KCNB2: variants seen among roughly 807,000 people sequenced by gnomAD.
KCNB2 encodes the protein delayed rectifier potassium channel protein.
A neutral mutation model predicts 61.5 loss-of-function variants in KCNB2; 15 were observed. The observed-to-expected ratio is 0.24, with a 90% CI of 0.16 to 0.38. KCNB2 has a LOEUF of 0.38. KCNB2 is among the 10% of genes least tolerant of loss of function. The probability of loss-of-function intolerance (pLI) is 1.00; values close to 1 mark genes in which losing one functional copy is unlikely to be tolerated. For missense variants in KCNB2, 828 were observed against 1,125.2 expected (o/e 0.74, Z 3.78); for synonymous variants, 457 against 446.0 (o/e 1.02, Z -0.31).
chr8:72,711,246 A>G (rs887115767), intron 2 of KCNB2, among the ~76,000 whole-genome samples: 1 of 152,234 alleles, frequency 6.6e-6, no homozygotes, highest in Admixed American at 6.5e-5. Flanking sequence ...GCATCTGCAT[A>G]GCCCAACACA....
At chr8:72,860,372 T>C (rs1474172566) in intron 2 of KCNB2, among the ~76,000 whole-genome samples, 1 of 152,240 alleles carries the variant, frequency 6.6e-6, no homozygotes, top group Non-Finnish European at 1.5e-5. Flanking sequence ...CTTGTCATCC[T>C]AGTAGATGTG....
At chr8:72,828,880 G>A (rs544475677) in intron 2 of KCNB2, among the ~76,000 whole-genome samples, 16 of 151,918 alleles carry the variant, frequency 1.1e-4, no homozygotes, top group African/African-American at 3.1e-4. Context: ...TGCAAATACC[G>A]CCTTGTATTT....
At chr8:72,561,793 A>ATATG (rs1806540629) in intron 1 of KCNB2, among the ~76,000 whole-genome samples, 1 of 88,982 alleles carries the variant, frequency 1.1e-5, no homozygotes, top group Non-Finnish European at 2.1e-5. Flanking sequence ...ATATATACAT[A>ATATG]TATATATATA....
chr8:72,920,241 A>G, intron 2 of KCNB2, among the ~76,000 whole-genome samples: 1 of 151,732 alleles, frequency 6.6e-6, no homozygotes, highest in East Asian at 1.9e-4. Flanking sequence ...AAAAAAACCC[A>G]CATATTTAGA....
intron 2 of KCNB2, among the ~76,000 whole-genome samples, chr8:72,851,880 C>T (rs1445998939): frequency 3.1e-5 from 4 of 127,408 alleles, no homozygotes; most frequent in Non-Finnish European, 6.4e-5. Context: ...ATTTTCCCTA[C>T]TGTCATTACA....
chr8:72,936,754 G>T lies in KCNB2; in HGVS notation c.1399G>T (p.Val467Leu). Residue 467 changes from valine (V) to leucine (L), a missense_variant, in exon 3 of 3, where the codon GTG (valine) becomes TTG (leucine). By Grantham distance (32) the Val-to-Leu change is conservative (BLOSUM62 1). Coordinates refer to ENST00000523207, the MANE Select transcript of KCNB2 (RefSeq NM_004770.3). This position sits in a 1 kb window ranked among gnomAD's most constrained non-coding sequence, Gnocchi z 5.6. ...CGCTCGAAGTATGGAACTGATAGAT[G>T]TGGCTGTTGAGAAGGCCGGAGAGTC... The part of the protein sequence containing the change: ...AFARSMELID[V>L]AVEKAGESAN... 6.2e-7 allele frequency: 1 copy of T among 1,614,192 alleles called. No homozygotes were observed. The highest frequency in any genetic ancestry group is 8.5e-7 in the Non-Finnish European group (1 of 1,180,028).
intron 1 of KCNB2, among the ~76,000 whole-genome samples, chr8:72,561,182 G>C (rs1207347597): frequency 6.7e-6 from 1 of 149,866 alleles, no homozygotes; most frequent in African/African-American, 2.5e-5. Context: ...TTTTGACACA[G>C]AGTCTTGCTC....
At chr8:72,598,934 A>C (rs1019917992) in intron 2 of KCNB2, among the ~76,000 whole-genome samples, 1 of 152,216 alleles carries the variant, frequency 6.6e-6, no homozygotes, top group Non-Finnish European at 1.5e-5. Context: ...ACCACAACTC[A>C]ATGAAATAAA....
At chr8:72,701,550 T>A (rs75363275) in intron 2 of KCNB2, among the ~76,000 whole-genome samples, 25 of 141,322 alleles carry the variant, frequency 1.8e-4, no homozygotes, top group Non-Finnish European at 2.0e-4. Context: ...TAGATTTTTT[T>A]AAAAACTTTC....
chr8:72,800,276 A>G (rs2128999465), intron 2 of KCNB2, among the ~76,000 whole-genome samples: 1 of 152,284 alleles, frequency 6.6e-6, no homozygotes, highest in Non-Finnish European at 1.5e-5. Flanking sequence ...ATGTCATTGA[A>G]TATAACTATC....
intron 2 of KCNB2, among the ~76,000 whole-genome samples, chr8:72,933,842 A>G (rs183739820): frequency 3.6e-4 from 55 of 152,282 alleles, no homozygotes; most frequent in African/African-American, 1.3e-3. Context: ...GAGGACCTTT[A>G]TTTTTCTATT....
intron 2 of KCNB2, among the ~76,000 whole-genome samples, chr8:72,672,944 T>G (rs1450806721): frequency 6.6e-6 from 1 of 152,124 alleles, no homozygotes; most frequent in Non-Finnish European, 1.5e-5. Flanking sequence ...GCCTTGCTGG[T>G]GAGAAAGTAA....
At chr8:72,611,980 TGTTA>T (rs1317576631) in intron 2 of KCNB2, among the ~76,000 whole-genome samples, 1 of 152,132 alleles carries the variant, frequency 6.6e-6, no homozygotes, top group Admixed American at 6.6e-5. Context: ...AAACGCAAAC[TGTTA>T]TTTAAAATAG....
At chr8:72,636,431 C>A (rs1459518823) in intron 2 of KCNB2, among the ~76,000 whole-genome samples, 1 of 152,138 alleles carries the variant, frequency 6.6e-6, no homozygotes, top group Non-Finnish European at 1.5e-5. Context: ...GGAAAGGATA[C>A]AATTTTCCTC....
At chr8:72,828,556 C>G (rs1809638061) in intron 2 of KCNB2, among the ~76,000 whole-genome samples, 1 of 152,012 alleles carries the variant, frequency 6.6e-6, no homozygotes, top group African/African-American at 2.4e-5. Context: ...ATTTGAAAAC[C>G]CTGGACATGT....
intron 2 of KCNB2, among the ~76,000 whole-genome samples, chr8:72,853,507 T>G (rs1810155622): frequency 6.6e-6 from 1 of 152,202 alleles, no homozygotes; most frequent in African/African-American, 2.4e-5. Flanking sequence ...AGAATCCCTG[T>G]CTCAGGCTCT....
intron 2 of KCNB2, among the ~76,000 whole-genome samples, chr8:72,616,457 C>T (rs1805621359): frequency 6.6e-6 from 1 of 152,296 alleles, no homozygotes; most frequent in South Asian, 2.1e-4. Context: ...AGCCACATCT[C>T]AGCCTGTATA....
In KCNB2 at chr8:72,753,660, T is replaced by C. The variant is rs141310072; in HGVS notation, c.580-182275T>C. 8.3e-4 allele frequency among the ~76,000 whole-genome samples: 126 copies of C among 152,304 alleles called. 1 individual carries two copies. Among genetic ancestry groups the C allele is most frequent in the African/African-American group, 2.9e-3 (121 of 41,582 alleles). On this transcript the variant is annotated intron_variant, in intron 2 of 2. Transcript: ENST00000523207. The stretch of plus-strand genomic sequence containing the variant: ...TTTGAGAAAGCAGGCTCCATGAGCT[T>C]GATAGACTTGCCTTCATAGTTAATA...
Position 72,933,550 on chromosome 8 carries a change from C to T in KCNB2, c.580-2385C>T, listed in dbSNP as rs192446670. Reference sequence around the variant, plus strand: ...GCAGTAATCCCAATACTTAAAATGCCCAAAGATGTATTAGCAACAGCGTGA... The same window carrying T: ...GCAGTAATCCCAATACTTAAAATGCTCAAAGATGTATTAGCAACAGCGTGA... On this transcript the variant is annotated intron_variant, in intron 2 of 2. Transcript: ENST00000523207. 3.7e-4 allele frequency among the ~76,000 whole-genome samples: 56 copies of T among 152,208 alleles called. No individual in the cohort carries two copies. The South Asian group carries it at 0.011, about 30-fold the overall frequency.
Sources: gnomAD v4.1 joint callset for allele counts (sites outside exome capture counted in the v4.1 genomes callset) on GRCh38, gnomAD v4.1.1 for gene constraint, Gnocchi (gnomAD v3.1) non-coding constraint, MANE v1.5 for transcripts, NCBI Gene and HGNC (gene_info 2026-07-23, HGNC 2026-07-21) for gene names.